Variants in ZMAT4 observed in about 807,000 individuals in gnomAD.
ZMAT4 encodes the protein zinc finger matrin-type protein 4.
A neutral mutation model predicts 28.7 loss-of-function variants in ZMAT4; 17 were observed. The ratio of observed to expected loss-of-function variants is 0.59; its 90% CI spans 0.41 to 0.89. The LOEUF (loss-of-function observed/expected upper bound fraction) is 0.89. Among genes scored for constraint, ZMAT4 ranks in the 40% least tolerant of loss-of-function variants. The pLI is 0.00. For synonymous variants in ZMAT4, 117 were observed against 109.2 expected, an observed-to-expected ratio of 1.07 and a Z score of -0.44; for missense variants, 240 against 283.8, an observed-to-expected ratio of 0.85 and a Z score of 1.11.
At chr8:40,602,006 C>T (rs1805412358) in intron 5 of ZMAT4, among the ~76,000 whole-genome samples, 1 of 152,112 alleles carries the variant, frequency 6.6e-6, no homozygotes, top group African/African-American at 2.4e-5. Flanking sequence ...GTGTATTCTC[C>T]TTCTCCCCCT....
chr8:40,783,283 C>T (rs1035989896), intron 2 of ZMAT4, among the ~76,000 whole-genome samples: 6 of 152,140 alleles, frequency 3.9e-5, no homozygotes, highest in Non-Finnish European at 7.3e-5. Flanking sequence ...TATTACACTA[C>T]GTGACAGAAG....
chr8:40,657,562 T>C (rs1440176365), intron 5 of ZMAT4, among the ~76,000 whole-genome samples: 1 of 152,162 alleles, frequency 6.6e-6, no homozygotes, highest in African/African-American at 2.4e-5. Context: ...CTATATAATG[T>C]GTAATTCTTC....
At chr8:40,582,334 CA>C (rs1396228152) in intron 5 of ZMAT4, among the ~76,000 whole-genome samples, 4 of 151,768 alleles carry the variant, frequency 2.6e-5, no homozygotes, top group Admixed American at 6.6e-5. Context: ...TATCTGGTCT[CA>C]AAAAAAATAT....
rs955594190 is a variant in ZMAT4, at chr8:40,552,039, C to T, written c.675-19801G>A. Among the ~76,000 whole-genome samples the T allele has an allele frequency of 3.3e-5, 5 of 152,312 alleles. No individual in the cohort carries two copies. The South Asian group carries it at 8.3e-4, about 25-fold the overall frequency. ...GCTCAACAAATGCCGGCTGAATCAG[C>T]AGCCAGGGCCATAATGGCATCTAAT... On this transcript the variant is annotated intron_variant, in intron 6 of 6. Coordinates refer to ENST00000297737, the MANE Select transcript of ZMAT4 (RefSeq NM_024645.3).
rs1382354025 is a variant in ZMAT4, at chr8:40,589,735, T to TC, written c.578-8475dup. 1.7e-3 allele frequency among the ~76,000 whole-genome samples: 148 copies of TC among 86,856 alleles called. 1 individual carries two copies. Among genetic ancestry groups the TC allele is most frequent in the African/African-American group, 4.7e-3 (143 of 30,168 alleles). The allele number at this position is 86,856 out of a possible 152,430, so 57.0% of individuals were successfully genotyped here. A position where few individuals can be genotyped will look rare whatever the true frequency, so the allele number is the denominator to read the frequency against. On this transcript the variant is annotated intron_variant, in intron 5 of 6. Transcript: ENST00000297737. ...TTCCTTCTTCCTTCTTCCTTTCCTT[T>TC]CTTTCTTTCTTTCTTTCTTTCTTTC... is the stretch of plus-strand genomic sequence containing the variant.
intron 3 of ZMAT4, among the ~76,000 whole-genome samples, chr8:40,764,548 T>C (rs888242663): frequency 6.9e-6 from 1 of 144,772 alleles, no homozygotes; most frequent in African/African-American, 2.6e-5. Flanking sequence ...ATTTTCTCTG[T>C]TTACAAAGCC....
rs1554553512 is a variant in ZMAT4 at position 40,767,619 on chromosome 8, T to C, written c.192+22A>G. On this transcript the variant is annotated intron_variant, in intron 3 of 6. Coordinates refer to ENST00000297737, the MANE Select transcript of ZMAT4 (RefSeq NM_024645.3). ...ACACAGAACAAATCATCTGAGGATA[T>C]CACGTGGTACCAGATACTCACATTT... 5.0e-6 allele frequency: 8 copies of C among 1,598,512 alleles called. No homozygotes were observed. In the South Asian group the frequency reaches 7.9e-5, roughly 16 times the overall value.
intron 6 of ZMAT4, among the ~76,000 whole-genome samples, chr8:40,550,335 C>A (rs1803329409): frequency 6.6e-6 from 1 of 152,192 alleles, no homozygotes; most frequent in Admixed American, 6.5e-5. Context: ...AGTGGTCTAA[C>A]AGCTCTCCCA....
chr8:40,630,900 G>A (rs1806549558), intron 5 of ZMAT4, among the ~76,000 whole-genome samples: 1 of 152,124 alleles, frequency 6.6e-6, no homozygotes, highest in African/African-American at 2.4e-5. Flanking sequence ...ATTAATTTTA[G>A]TAATATGTTT....
chr8:40,876,284 A>G (rs947897517), intron 1 of ZMAT4, among the ~76,000 whole-genome samples: 16 of 152,218 alleles, frequency 1.1e-4, no homozygotes, highest in African/African-American at 3.9e-4. Flanking sequence ...AATGAATAGT[A>G]AATATAAATA....
chr8:40,869,762 C>T (rs1243188953), intron 1 of ZMAT4, among the ~76,000 whole-genome samples: 1 of 152,152 alleles, frequency 6.6e-6, no homozygotes, highest in Non-Finnish European at 1.5e-5. Flanking sequence ...ACGTCTTATT[C>T]TTAGGCAACT....
intron 6 of ZMAT4, among the ~76,000 whole-genome samples, chr8:40,546,913 TAGTAG>T (rs1310345165): frequency 6.6e-6 from 1 of 152,092 alleles, no homozygotes; most frequent in Non-Finnish European, 1.5e-5. Flanking sequence ...CGCCTGATCT[TAGTAG>T]AGTAGATTTT....
chr8:40,767,801 G>T, intron 2 of ZMAT4, 71 bp from the exon 3 acceptor site: 2 of 1,216,666 alleles, frequency 1.6e-6, no homozygotes, highest in Non-Finnish European at 2.3e-6. Context: ...CCTAGCCAGT[G>T]CCCGCAAATG....
chr8:40,653,087 A>G (rs1807755602), intron 5 of ZMAT4, among the ~76,000 whole-genome samples: 4 of 152,058 alleles, frequency 2.6e-5, no homozygotes, highest in African/African-American at 7.2e-5. Flanking sequence ...GTATAATAAT[A>G]ATAATAAAAA....
At chr8:40,612,436 C>A (rs911357684) in intron 5 of ZMAT4, among the ~76,000 whole-genome samples, 2 of 137,856 alleles carry the variant, frequency 1.5e-5, no homozygotes, top group African/African-American at 5.0e-5. Context: ...CCTTTATGGA[C>A]CCTGGCTTCC....
intron 1 of ZMAT4, among the ~76,000 whole-genome samples, chr8:40,882,750 G>A (rs1179276627): frequency 1.3e-5 from 2 of 152,144 alleles, no homozygotes; most frequent in African/African-American, 4.8e-5. Flanking sequence ...TCAGAGCTGG[G>A]GACAGTGGGA....
chr8:40,567,365 A>G (rs1480113248), intron 6 of ZMAT4, among the ~76,000 whole-genome samples: 1 of 152,142 alleles, frequency 6.6e-6, no homozygotes, highest in East Asian at 1.9e-4. Flanking sequence ...TATATTCTGA[A>G]TGAGGTATAG....
chr8:40,825,064 C>T (rs1011626612), intron 2 of ZMAT4, among the ~76,000 whole-genome samples: 1 of 152,200 alleles, frequency 6.6e-6, no homozygotes, highest in Non-Finnish European at 1.5e-5. Context: ...CTGCAGAAGG[C>T]ATCTTGATTG....
intron 6 of ZMAT4, among the ~76,000 whole-genome samples, chr8:40,542,666 C>A (rs376857565): frequency 5.3e-5 from 8 of 152,080 alleles, no homozygotes; most frequent in Non-Finnish European, 1.2e-4. Flanking sequence ...TGGAATTATA[C>A]GCATGAACCA....
Sources: allele counts gnomAD v4.1 joint callset (sites outside exome capture counted in the v4.1 genomes callset), GRCh38; gene constraint gnomAD v4.1.1; transcripts MANE v1.5; gene names NCBI Gene and HGNC (gene_info 2026-07-23, HGNC 2026-07-21).